BRCA1: variants seen among roughly 807,000 people sequenced by gnomAD.
BRCA1 encodes the protein BRCA1 DNA repair associated.
BRCA1 carries 140 observed loss-of-function variants against 173.7 expected under a neutral mutation model. The ratio of observed to expected loss-of-function variants is 0.81; its 90% CI spans 0.70 to 0.93. The LOEUF is 0.93. BRCA1 is among the 40% of genes least tolerant of loss of function. BRCA1 has a pLI of 0.00. For synonymous variants in BRCA1, 662 were observed against 756.0 expected (o/e 0.88, Z 2.04); for missense variants, 1,983 against 2,172.5 (o/e 0.91, Z 1.73).
intron 1 of BRCA1, among the ~76,000 whole-genome samples, chr17:43,134,057 C>T (rs901719973): frequency 2.6e-5 from 4 of 152,232 alleles, no homozygotes; most frequent in Non-Finnish European, 4.4e-5. Flanking sequence ...CTTTACTCAC[C>T]TAGAAAGCTC....
chr17:43,049,663 A>T lies in BRCA1; in HGVS notation c.5333-469T>A, dbSNP rs1008149175. Among the ~76,000 whole-genome samples, 2 of 152,208 alleles carry T rather than the reference A, an allele frequency of 1.3e-5. No individual in the cohort carries two copies. Among genetic ancestry groups the T allele is most frequent in the Non-Finnish European group, 2.9e-5 (2 of 68,038 alleles). ...CAAGAGATGGGAAGATAATTCATCC[A>T]GTCAAAAAAATACATGTTATCCTGG... On this transcript the variant is annotated intron_variant, in intron 20 of 22. Coordinates refer to ENST00000357654, the MANE Select transcript of BRCA1 (RefSeq NM_007294.4).
At chr17:43,159,321 A>AC (rs1298310719) in intron 1 of BRCA1, 4 of 161,632 alleles carry the variant, frequency 2.5e-5, no homozygotes, top group Non-Finnish European at 5.4e-5. Context: ...CAGGGGGCTG[A>AC]CCCCCCCACC....
At position 43,091,015 on chromosome 17, in the gene BRCA1, A is replaced by G. The variant is rs1156932020; in HGVS notation, c.4114T>C (p.Cys1372Arg). Reference protein sequence around the residue: ...DSNLGEAASGCESETSVSEDC... With the variant: ...DSNLGEAASGRESETSVSEDC... ...TCAGAGACGCTTGTTTCACTCTCACACCCAGATGCTGCTTCACCTTAAATA... is the reference window on the plus strand; with the variant it reads ...TCAGAGACGCTTGTTTCACTCTCACGCCCAGATGCTGCTTCACCTTAAATA... The change falls in exon 11 of 23, where the codon TGT becomes CGT. Residue 1372 changes from cysteine (C) to arginine (R), a missense_variant. Physicochemically the swap from Cys to Arg is radical, Grantham distance 180 (BLOSUM62 -3). Transcript: ENST00000357654. The G allele has an allele frequency of 6.2e-7, 1 of 1,612,776 alleles. No individual in the cohort carries two copies. The highest frequency in any genetic ancestry group is 8.5e-7 in the Non-Finnish European group (1 of 1,179,530).
intron 4 of BRCA1, 68 bp from the exon 5 acceptor site, chr17:43,105,024 A>C: frequency 1.6e-6 from 2 of 1,269,270 alleles, no homozygotes; most frequent in South Asian, 1.2e-5. Flanking sequence ...CACTAAAATA[A>C]GAAAAGACAT....
At chr17:43,067,779 T>C (rs1318719801) in intron 15 of BRCA1, 84 bp from the exon 16 acceptor site, 3 of 1,040,562 alleles carry the variant, frequency 2.9e-6, no homozygotes, top group African/African-American at 3.2e-5. Context: ...ATGGCATATG[T>C]TTACCTATGT....
intron 7 of BRCA1, 106 bp downstream of exon 7, chr17:43,099,669 A>C: frequency 1.1e-6 from 1 of 932,004 alleles, no homozygotes; most frequent in South Asian, 1.3e-5. Flanking sequence ...TCACTTCCCA[A>C]AGCTGCCTAC....
At position 43,094,560 on chromosome 17, in the gene BRCA1, C is replaced by T. The variant is rs1462728426; in HGVS notation, c.971G>A (p.Ser324Asn). 6.2e-7 allele frequency: 1 copy of T among 1,614,192 alleles called. No individual in the cohort carries two copies. Among genetic ancestry groups the T allele is most frequent in the East Asian group, 2.2e-5 (1 of 44,890 alleles). ...ARSQHNRWAG[S>N]KETCNDRRTP... The stretch of plus-strand genomic sequence containing the variant: ...CCGCCTATCATTACATGTTTCCTTA[C>T]TTCCAGCCCATCTGTTATGTTGGCT... Residue 324 changes from serine (S) to asparagine (N), a missense_variant, in exon 10 of 23, where the codon AGT (serine) becomes AAT (asparagine). Ser to Asn is a conservative substitution (Grantham distance 46, BLOSUM62 1). Coordinates refer to ENST00000357654, the MANE Select transcript of BRCA1 (RefSeq NM_007294.4).
chr17:43,146,729 G>A (rs576831887), intron 1 of BRCA1, among the ~76,000 whole-genome samples: 1 of 152,262 alleles, frequency 6.6e-6, no homozygotes, highest in South Asian at 2.1e-4. Context: ...CAGGAGGCCT[G>A]AGGTGGGCTA....
At chr17:43,116,752 C>T (rs1358663596) in intron 2 of BRCA1, among the ~76,000 whole-genome samples, 1 of 152,192 alleles carries the variant, frequency 6.6e-6, no homozygotes, top group Non-Finnish European at 1.5e-5. Flanking sequence ...CTCCTGACCT[C>T]AGGTGATCCG....
chr17:43,084,205 T>C (rs2154182084), intron 11 of BRCA1, among the ~76,000 whole-genome samples: 1 of 152,300 alleles, frequency 6.6e-6, no homozygotes, highest in East Asian at 1.9e-4. Flanking sequence ...TAATTTTTTG[T>C]ATTTTTAGTA....
chr17:43,080,312 G>A (rs910949684), intron 12 of BRCA1, among the ~76,000 whole-genome samples: 6 of 152,112 alleles, frequency 3.9e-5, no homozygotes, highest in East Asian at 1.9e-4. Context: ...GCCAGGCACC[G>A]TAGCTCCCAA....
chr17:43,125,049 T>C, intron 1 of BRCA1: 1 of 427,456 alleles, frequency 2.3e-6, no homozygotes, highest in South Asian at 1.7e-5. Context: ...TCACGAGGAT[T>C]CCCCCACGGA....
At chr17:43,168,278 A>G (rs762474111) in intron 1 of BRCA1, 5 of 389,854 alleles carry the variant, frequency 1.3e-5, no homozygotes, top group Non-Finnish European at 1.5e-5. Flanking sequence ...ACTTTAACAC[A>G]TTAGAAAAAC....
At chr17:43,117,277 G>A (rs1597914013) in intron 2 of BRCA1, among the ~76,000 whole-genome samples, 1 of 151,900 alleles carries the variant, frequency 6.6e-6, no homozygotes, top group Non-Finnish European at 1.5e-5. Context: ...CCCTGTCTAC[G>A]CTAAAAATAC....
intron 1 of BRCA1, chr17:43,124,992 C>G (rs1278676586): frequency 2.7e-6 from 1 of 367,766 alleles, no homozygotes; most frequent in African/African-American, 2.1e-5. Context: ...GACCAGCCGA[C>G]GTTTTTAAAG....
chr17:43,141,143 G>A (rs1047424345), intron 1 of BRCA1, among the ~76,000 whole-genome samples: 4 of 152,154 alleles, frequency 2.6e-5, no homozygotes, highest in African/African-American at 9.7e-5. Context: ...CCCCCTCCCA[G>A]GCTACTGGCA....
intron 1 of BRCA1, chr17:43,167,778 G>A (rs1323139468): frequency 6.5e-6 from 1 of 152,818 alleles, no homozygotes; most frequent in Non-Finnish European, 1.5e-5. Flanking sequence ...TGGGATTACA[G>A]GTGTGAGCCA....
At chr17:43,131,028 T>G (rs1320823806) in intron 1 of BRCA1, among the ~76,000 whole-genome samples, 1 of 152,250 alleles carries the variant, frequency 6.6e-6, no homozygotes, top group Non-Finnish European at 1.5e-5. Context: ...TTGCTGATAC[T>G]CTGGGTGTGT....
At chr17:43,127,365 C>T (rs572548765), upstream of BRCA1, among the ~76,000 whole-genome samples, 1 of 152,268 alleles carries the variant, frequency 6.6e-6, no homozygotes, top group Non-Finnish European at 1.5e-5. Flanking sequence ...CACCAATCAG[C>T]ACTCTGTATC....
Sources: gnomAD v4.1 joint callset for allele counts (sites outside exome capture counted in the v4.1 genomes callset) on GRCh38, gnomAD v4.1.1 for gene constraint, MANE v1.5 for transcripts, NCBI Gene and HGNC (gene_info 2026-07-23, HGNC 2026-07-21) for gene names.